The following FBRSL1 variants were observed in gnomAD, a reference collection of about 807,000 sequenced individuals.
FBRSL1 encodes the protein fibrosin-1-like protein.
FBRSL1 carries 51 observed loss-of-function variants against 89.6 expected under a neutral mutation model. That is an observed-to-expected ratio of 0.57 (90% CI 0.45 to 0.72). The LOEUF is 0.72. Among genes scored for constraint, FBRSL1 ranks in the 30% least tolerant of loss-of-function variants. The pLI is 0.00. For missense variants in FBRSL1, 1,618 were observed against 1,451.8 expected, an observed-to-expected ratio of 1.11 and a Z score of -1.86; for synonymous variants, 779 against 681.1, an observed-to-expected ratio of 1.14 and a Z score of -2.24.
intron 2 of FBRSL1, among the ~76,000 whole-genome samples, chr12:132,513,979 C>T (rs1434868068): frequency 1.3e-5 from 2 of 152,200 alleles, no homozygotes; most frequent in African/African-American, 4.8e-5. Flanking sequence ...CCCCGTCTCT[C>T]TGGACCCCTC....
chr12:132,524,573 G>A (rs574960139), intron 2 of FBRSL1, among the ~76,000 whole-genome samples: 12 of 152,330 alleles, frequency 7.9e-5, no homozygotes, highest in Admixed American at 2.6e-4. Context: ...GGGTTTCCCC[G>A]GGCTGGGGCG....
rs149678436 is a variant in FBRSL1 at position 132,518,577 on chromosome 12, G to A, written c.490-7157G>A. ...GTGCATCCATCCATCTACCCATCTG[G>A]CCATCCATCCACCCATCTGTCCATC... On this transcript the variant is annotated intron_variant, in intron 2 of 18. Transcript: ENST00000680143. Among the ~76,000 whole-genome samples, 408 of 124,556 alleles carry A rather than the reference G, an allele frequency of 3.3e-3. 4 individuals carry two copies. The highest frequency in any genetic ancestry group is 0.012 in the African/African-American group (388 of 31,694). 81.7% of individuals were successfully genotyped at this position (124,556 alleles called of 152,430 possible). A position where few individuals can be genotyped will look rare whatever the true frequency, so the allele number is the denominator to read the frequency against.
chr12:132,510,044 A>C, intron 2 of FBRSL1: 2 of 1,230,882 alleles, frequency 1.6e-6, no homozygotes, highest in Non-Finnish European at 2.0e-6. Context: ...AGCCCGGCCC[A>C]CTCACGCCTT....
intron 2 of FBRSL1, chr12:132,509,923 C>T (rs1236310362): frequency 3.2e-6 from 4 of 1,231,088 alleles, no homozygotes; most frequent in Non-Finnish European, 3.0e-6. Flanking sequence ...GCCTTCCTAG[C>T]CCCGTGTCAG....
chr12:132,581,507 C>A lies in FBRSL1; in HGVS notation c.1903C>A (p.Pro635Thr), dbSNP rs1439553941. Residue 635 changes from proline (P) to threonine (T), a missense_variant, in exon 16 of 19, where the codon CCC becomes ACC. Transcript: ENST00000680143. ...TCCTGGCAGCTTCCTGCCCACTGGC[C>A]CCCTGACAGGTGGGTGTCTCTGAAT... ...AHPGSFLPTGPLTDPFSRPST... is the reference protein window; with the variant it reads ...AHPGSFLPTGTLTDPFSRPST... 2 of 1,550,916 alleles carry A rather than the reference C, an allele frequency of 1.3e-6. No individual in the cohort carries two copies. The highest frequency in any genetic ancestry group is 1.7e-6 in the Non-Finnish European group (2 of 1,146,924).
At chr12:132,539,664 C>T (rs2037069609) in intron 4 of FBRSL1, among the ~76,000 whole-genome samples, 1 of 128,180 alleles carries the variant, frequency 7.8e-6, no homozygotes, top group Admixed American at 7.7e-5. Flanking sequence ...GTCCTGCCGT[C>T]CAGCCCGATG....
intron 2 of FBRSL1, chr12:132,509,508 C>A (rs2034078440): frequency 4.0e-6 from 5 of 1,236,770 alleles, no homozygotes; most frequent in South Asian, 8.1e-5. Flanking sequence ...GCCCTGCCGG[C>A]CGCATTGGGC....
In FBRSL1 at chr12:132,583,250, G is replaced by T. The variant is rs1226289715; in HGVS notation, c.2481G>T (p.Pro827=). ...ERGEDEASEP[P]AGGLHPAPLQ... ...GGGAGGACGAGGCCTCCGAGCCCCC[G>T]GCGGGCGGCCTGCACCCCGCGCCCC... Residue 827 remains proline, a synonymous_variant, in exon 19 of 19, where the codon CCG becomes CCT. Coordinates refer to ENST00000680143, the MANE Select transcript of FBRSL1 (RefSeq NM_001367871.1). 2.2e-6 allele frequency: 3 copies of T among 1,353,022 alleles called. No individual in the cohort carries two copies. The highest frequency in any genetic ancestry group is 3.1e-5 in the African/African-American group (2 of 64,492). The allele number at this position is 1,353,022 out of a possible 1,614,324, so 83.8% of individuals were successfully genotyped here.
Position 132,583,360 on chromosome 12 carries a change from C to T in FBRSL1, c.2591C>T (p.Ala864Val). Reference sequence around the variant, plus strand: ...CGCGGCCTGGAGCTGCCACGTCGCGCCTTCCCCGCTGCCGCCCCCGCCCCG... The same window carrying T: ...CGCGGCCTGGAGCTGCCACGTCGCGTCTTCCCCGCTGCCGCCCCCGCCCCG... ...PFRGLELPRR[A>V]FPAAAPAPGS... The change falls in exon 19 of 19, where the codon GCC (alanine) becomes GTC (valine). Residue 864 changes from alanine to valine, a missense_variant. Ala to Val is a moderately conservative substitution (Grantham distance 64, BLOSUM62 0). Coordinates refer to ENST00000680143, the MANE Select transcript of FBRSL1 (RefSeq NM_001367871.1). The T allele has an allele frequency of 4.4e-6, 5 of 1,132,476 alleles. No homozygotes were observed. The highest frequency in any genetic ancestry group is 5.4e-6 in the Non-Finnish European group (5 of 922,158). The allele number at this position is 1,132,476 out of a possible 1,614,324, so 70.2% of individuals were successfully genotyped here.
At chr12:132,520,561 G>C (rs1010300760) in intron 2 of FBRSL1, among the ~76,000 whole-genome samples, 3 of 152,320 alleles carry the variant, frequency 2.0e-5, no homozygotes, top group African/African-American at 7.2e-5. Flanking sequence ...CTGGTGTCAC[G>C]TGCTGTGGGT....
chr12:132,544,600 G>A (rs1295075002), intron 4 of FBRSL1, among the ~76,000 whole-genome samples: 1 of 152,062 alleles, frequency 6.6e-6, no homozygotes, highest in East Asian at 1.9e-4. Flanking sequence ...TAACGACAGT[G>A]ATGGTGGTGA....
At chr12:132,580,856 C>T (rs2040695983) in intron 15 of FBRSL1, 1 of 985,478 alleles carries the variant, frequency 1.0e-6, no homozygotes, top group African/African-American at 1.7e-5. Context: ...GAATCCCCTG[C>T]AGCAGCCCCT....
chr12:132,576,143 A>G (rs1188058744), intron 14 of FBRSL1, among the ~76,000 whole-genome samples: 25 of 151,168 alleles, frequency 1.7e-4, no homozygotes, highest in Admixed American at 1.6e-3. Context: ...TCACTGAGAA[A>G]CTTTTCAGCA....
intron 5 of FBRSL1, chr12:132,551,338 C>T (rs760666831): frequency 1.8e-5 from 8 of 446,156 alleles, no homozygotes; most frequent in African/African-American, 6.0e-5. Flanking sequence ...TGGCTGCTCC[C>T]GGTGGGCAGA....
At position 132,576,804 on chromosome 12, in the gene FBRSL1, G is replaced by A; in HGVS notation, c.1707G>A (p.Met569Ile). The change falls in exon 15 of 19, where the codon ATG (methionine) becomes ATA (isoleucine). Residue 569 changes from methionine (M) to isoleucine (I), a missense_variant. Coordinates refer to ENST00000680143, the MANE Select transcript of FBRSL1 (RefSeq NM_001367871.1). Reference sequence around the variant, plus strand: ...CACCCGTTCTATCCTCCCAGGAGATGCAGCTGGACCCCCACAAGCTGGAGG... The same window carrying A: ...CACCCGTTCTATCCTCCCAGGAGATACAGCTGGACCCCCACAAGCTGGAGG... The part of the protein sequence containing the change: ...IYRHQQKIKE[M>I]QLDPHKLEVG... 8.4e-6 allele frequency: 13 copies of A among 1,550,734 alleles called. No individual in the cohort carries two copies. Among genetic ancestry groups the A allele is most frequent in the Non-Finnish European group, 1.0e-5 (12 of 1,146,804 alleles).
chr12:132,537,681 C>G (rs975392949), intron 4 of FBRSL1, among the ~76,000 whole-genome samples: 3 of 152,190 alleles, frequency 2.0e-5, no homozygotes, highest in African/African-American at 7.2e-5. Flanking sequence ...GTGCCCCAAT[C>G]TTTGTGACAG....
chr12:132,515,298 T>C (rs1176200536), intron 2 of FBRSL1, among the ~76,000 whole-genome samples: 2 of 152,118 alleles, frequency 1.3e-5, no homozygotes, highest in African/African-American at 4.8e-5. Context: ...GGGCTAGAAG[T>C]TGACAGTCAT....
chr12:132,564,708 GAT>G (rs2039456685), intron 5 of FBRSL1, among the ~76,000 whole-genome samples: 1 of 86,048 alleles, frequency 1.2e-5, no homozygotes, highest in Non-Finnish European at 2.0e-5. Flanking sequence ...TGTTAGCCAG[GAT>G]GGTCTCGATC....
At chr12:132,495,224 C>T (rs2031802905) in intron 1 of FBRSL1, among the ~76,000 whole-genome samples, 1 of 152,362 alleles carries the variant, frequency 6.6e-6, no homozygotes, top group African/African-American at 2.4e-5. Context: ...GCCTGGTGGG[C>T]TTCACAGAGG....
Sources: gnomAD v4.1 joint callset for allele counts (sites outside exome capture counted in the v4.1 genomes callset) on GRCh38, gnomAD v4.1.1 for gene constraint, MANE v1.5 for transcripts, NCBI Gene and HGNC (gene_info 2026-07-23, HGNC 2026-07-21) for gene names.